EFR3A: variants seen among roughly 807,000 people sequenced by gnomAD.
EFR3A encodes the protein EFR3 homolog A.
Under a neutral mutation model 104.4 loss-of-function variants are expected in EFR3A, and 76 were observed. That is an observed-to-expected ratio of 0.73 (90% CI 0.60 to 0.88). The LOEUF (loss-of-function observed/expected upper bound fraction) is 0.88, where lower values mean the gene tolerates loss of function less well. EFR3A is among the 40% of genes least tolerant of loss of function. The pLI is 0.00. For synonymous variants in EFR3A, 330 were observed against 330.0 expected, an observed-to-expected ratio of 1.00 and a Z score of 0.00; for missense variants, 985 against 1,012.5, an observed-to-expected ratio of 0.97 and a Z score of 0.37.
chr8:131,909,661 A>G (rs1200986810), intron 1 of EFR3A, among the ~76,000 whole-genome samples: 1 of 152,206 alleles, frequency 6.6e-6, no homozygotes, highest in Non-Finnish European at 1.5e-5. Flanking sequence ...CATAGTTTAA[A>G]TCAGGGATTT....
chr8:132,001,131 AC>A (rs1263255566), intron 19 of EFR3A: 1 of 152,224 alleles, frequency 6.6e-6, no homozygotes, highest in African/African-American at 2.4e-5. Flanking sequence ...TTGATTTCAT[AC>A]CTTTTTATGT....
At chr8:131,990,938 GT>G (rs1160964322) in intron 18 of EFR3A, among the ~76,000 whole-genome samples, 3 of 152,062 alleles carry the variant, frequency 2.0e-5, no homozygotes, top group African/African-American at 7.2e-5. Context: ...TCATTTGCTT[GT>G]TTTTTTGTGT....
intron 22 of EFR3A, among the ~76,000 whole-genome samples, chr8:132,006,072 G>GT (rs1172561657): frequency 6.6e-6 from 1 of 152,112 alleles, no homozygotes; most frequent in Non-Finnish European, 1.5e-5. Context: ...TCAAAGTTTT[G>GT]TAAGATGAAA....
At position 131,946,610 on chromosome 8, in the gene EFR3A, C is replaced by T; in HGVS notation, c.343C>T (p.Leu115Phe). 6.2e-7 allele frequency: 1 copy of T among 1,601,846 alleles called. No homozygotes were observed. Among genetic ancestry groups the T allele is most frequent in the Non-Finnish European group, 8.5e-7 (1 of 1,174,598 alleles). Residue 115 changes from leucine to phenylalanine, a missense_variant, in exon 4 of 23, where the codon CTT becomes TTT. Coordinates refer to ENST00000254624, the MANE Select transcript of EFR3A (RefSeq NM_015137.6). ...GCTGCTGGAATCGGGGGAACCAAAG[C>T]TTCAAGTTCTTGGAACAAATTCTGT... ...AKLLESGEPK[L>F]QVLGTNSFVK...
chr8:131,926,915 G>T (rs1046399913), intron 1 of EFR3A, among the ~76,000 whole-genome samples: 31 of 152,100 alleles, frequency 2.0e-4, no homozygotes, highest in Non-Finnish European at 4.0e-4. Flanking sequence ...TAATATTTTA[G>T]TCTAATATAT....
intron 1 of EFR3A, among the ~76,000 whole-genome samples, chr8:131,936,395 G>A (rs943088794): frequency 5.3e-5 from 8 of 152,062 alleles, no homozygotes; most frequent in Admixed American, 3.3e-4. Context: ...GTCCTCTGAC[G>A]TAATTCAGTT....
At position 131,949,969 on chromosome 8, in the gene EFR3A, T is replaced by G; in HGVS notation, c.367T>G (p.Phe123Val). The change falls in exon 5 of 23, where the codon TTT becomes GTT. Residue 123 changes from phenylalanine (F) to valine (V), a missense_variant and splice_region_variant. Physicochemically the swap from Phe to Val is conservative, Grantham distance 50. Coordinates refer to ENST00000254624, the MANE Select transcript of EFR3A (RefSeq NM_015137.6). ...ATATTATATTATTTGTGTTTTTTAG[T>G]TTGTCAAATTTGCAAATATTGAAGA... ...PKLQVLGTNS[F>V]VKFANIEEDT... 1 of 1,588,208 alleles carries G rather than the reference T, an allele frequency of 6.3e-7. No individual in the cohort carries two copies. The highest frequency in any genetic ancestry group is 8.5e-7 in the Non-Finnish European group (1 of 1,169,866).
chr8:131,984,398 G>T, intron 15 of EFR3A, 98 bp downstream of exon 15: 1 of 1,180,664 alleles, frequency 8.5e-7, no homozygotes, highest in Non-Finnish European at 1.2e-6. Flanking sequence ...ATTTTAAAAG[G>T]GAGGTATCTA....
At chr8:131,942,514 G>C (rs1043087648) in intron 2 of EFR3A, among the ~76,000 whole-genome samples, 3 of 152,064 alleles carry the variant, frequency 2.0e-5, no homozygotes, top group African/African-American at 7.2e-5. Flanking sequence ...TGTAATGGAA[G>C]TAATAAGTAG....
At chr8:131,940,472 ATTTC>A in intron 1 of EFR3A, 23 bp from the exon 2 acceptor site, 1 of 1,520,962 alleles carries the variant, frequency 6.6e-7, no homozygotes, top group Non-Finnish European at 8.8e-7. Context: ...TAATATCTGT[ATTTC>A]TTGATTTTTT....
chr8:131,958,968 G>A (rs1364313200), intron 7 of EFR3A, among the ~76,000 whole-genome samples: 2 of 152,076 alleles, frequency 1.3e-5, no homozygotes, highest in African/African-American at 4.8e-5. Flanking sequence ...GAGAAGTCAA[G>A]TAACTCACTC....
In EFR3A at chr8:131,987,628, A is replaced by G. The variant is rs755537506; in HGVS notation, c.1991A>G (p.Lys664Arg). The part of the protein sequence containing the change: ...HEKDLYFLTN[K>R]IAESLGGSGY... ...AAAGATTTGTACTTTCTGACCAACA[A>G]GATTGCAGAGTCGCTAGGTGGAAGT... is the stretch of plus-strand genomic sequence containing the variant. Residue 664 changes from lysine to arginine, a missense_variant, in exon 18 of 23, where the codon AAG (lysine) becomes AGG (arginine). Physicochemically the swap from Lys to Arg is conservative, Grantham distance 26. Coordinates refer to ENST00000254624, the MANE Select transcript of EFR3A (RefSeq NM_015137.6). The G allele has an allele frequency of 2.2e-5, 35 of 1,598,176 alleles. 1 individual carries two copies. The highest frequency in any genetic ancestry group is 5.2e-5 in the Admixed American group (3 of 57,764).
In EFR3A at chr8:131,984,103, G is replaced by A. The variant is rs368629064; in HGVS notation, c.1576-36G>A. The A allele has an allele frequency of 5.8e-6, 9 of 1,548,584 alleles. No individual in the cohort carries two copies. The African/African-American group carries it at 8.3e-5, about 14-fold the overall frequency. On this transcript the variant is annotated intron_variant, in intron 14 of 22. Transcript: ENST00000254624. Reference sequence around the variant, plus strand: ...GAAATCTGCCTTTTCTACATTTTAAGCAAAATTACCTTTGTCCTCTGTCTT... The same window carrying A: ...GAAATCTGCCTTTTCTACATTTTAAACAAAATTACCTTTGTCCTCTGTCTT...
chr8:132,003,265 A>G lies in EFR3A; in HGVS notation c.2340A>G (p.Gln780=), dbSNP rs145139747. Reference sequence around the variant, plus strand: ...ATTTGCTTCATGATAGACTTGCCCAAATATTGGAACTCACCATACGGTAAG... The same window carrying G: ...ATTTGCTTCATGATAGACTTGCCCAGATATTGGAACTCACCATACGGTAAG... ...KANLLHDRLA[Q]ILELTIRPPP... is the part of the protein sequence containing the mutation. The change falls in exon 22 of 23, where the codon CAA becomes CAG. Residue 780 remains glutamine (Q), a synonymous_variant. Transcript: ENST00000254624. 181 of 1,612,476 alleles carry G rather than the reference A, an allele frequency of 1.1e-4. No individual in the cohort carries two copies. Among genetic ancestry groups the G allele is most frequent in the Non-Finnish European group, 1.4e-4 (164 of 1,179,126 alleles).
At chr8:131,932,042 A>G (rs2130505359) in intron 1 of EFR3A, among the ~76,000 whole-genome samples, 1 of 152,182 alleles carries the variant, frequency 6.6e-6, no homozygotes, top group Non-Finnish European at 1.5e-5. Context: ...ATTCCTTTGA[A>G]GCTTGAAACC....
chr8:131,965,128 G>A (rs1408583117), intron 8 of EFR3A, among the ~76,000 whole-genome samples: 2 of 152,080 alleles, frequency 1.3e-5, no homozygotes, highest in Non-Finnish European at 2.9e-5. Context: ...AGAAAACCTA[G>A]GCAATACCAT....
chr8:131,992,579 T>G (rs1821247906), intron 18 of EFR3A, among the ~76,000 whole-genome samples: 1 of 152,124 alleles, frequency 6.6e-6, no homozygotes, highest in Admixed American at 6.6e-5. Context: ...GGTAGTAAGT[T>G]TTTGTAGCTC....
rs140592439 is a variant in EFR3A, at chr8:131,931,303, C to T, written c.11-9196C>T. Among the ~76,000 whole-genome samples the T allele has an allele frequency of 5.0e-3, 757 of 152,138 alleles. 3 individuals are homozygous for T. The highest frequency in any genetic ancestry group is 0.018 in the African/African-American group (729 of 41,516). Reference sequence around the variant, plus strand: ...ACCTTGTACAATTAAAGAATAAATACAAACAGTAAGAGAAGATTTTTATGA... The same window carrying T: ...ACCTTGTACAATTAAAGAATAAATATAAACAGTAAGAGAAGATTTTTATGA... On this transcript the variant is annotated intron_variant, in intron 1 of 22. Coordinates refer to ENST00000254624, the MANE Select transcript of EFR3A (RefSeq NM_015137.6).
chr8:131,965,363 G>C (rs1187565191), intron 8 of EFR3A, among the ~76,000 whole-genome samples: 1 of 151,926 alleles, frequency 6.6e-6, no homozygotes, highest in Non-Finnish European at 1.5e-5. Flanking sequence ...CTCAAAACAA[G>C]TTTGCAAGAA....
Sources: gnomAD v4.1 joint callset for allele counts (sites outside exome capture counted in the v4.1 genomes callset) on GRCh38, gnomAD v4.1.1 for gene constraint, MANE v1.5 for transcripts, NCBI Gene and HGNC (gene_info 2026-07-23, HGNC 2026-07-21) for gene names.